The following PCDHA3 variants were observed in gnomAD, a reference collection of about 807,000 sequenced individuals.
PCDHA3 encodes protocadherin alpha 3, also known as protocadherin alpha-3.
A neutral mutation model predicts 62.2 loss-of-function variants in PCDHA3; 41 were observed. The ratio of observed to expected loss-of-function variants is 0.66; its 90% CI spans 0.51 to 0.86. The LOEUF (loss-of-function observed/expected upper bound fraction) is 0.86. Among genes scored for constraint, PCDHA3 ranks in the 40% least tolerant of loss-of-function variants. The pLI, the probability that PCDHA3 is intolerant of heterozygous loss-of-function variation, is 0.00. For missense variants in PCDHA3, 1,304 were observed against 1,241.2 expected, an observed-to-expected ratio of 1.05 and a Z score of -0.76; for synonymous variants, 640 against 555.4, an observed-to-expected ratio of 1.15 and a Z score of -2.14.
intron 1 of PCDHA3, among the ~76,000 whole-genome samples, chr5:140,872,315 AAAT>A (rs1554166135): frequency 1.3e-5 from 2 of 152,130 alleles, no homozygotes. Context: ...TGCTTTATGG[AAAT>A]AATATGACTA....
intron 1 of PCDHA3, among the ~76,000 whole-genome samples, chr5:140,922,635 C>G (rs1403011776): frequency 6.6e-6 from 1 of 152,118 alleles, no homozygotes; most frequent in Non-Finnish European, 1.5e-5. Context: ...ATAAGCCACT[C>G]CATCAAACAG....
rs567171951 is a variant in PCDHA3, at chr5:140,803,399, G to A, written c.2202G>A (p.Pro734=). ...SAPPTEGDCG[P]GKPTLVCSSA... ...CGCCAACCGAAGGCGACTGTGGGCC[G>A]GGCAAGCCCACGCTGGTGTGCTCCA... Residue 734 remains proline (P), a synonymous_variant, in exon 1 of 4, where the codon CCG becomes CCA. Coordinates refer to ENST00000522353, the MANE Select transcript of PCDHA3 (RefSeq NM_018906.3). 1.2e-6 allele frequency: 2 copies of A among 1,614,230 alleles called. No homozygotes were observed. The highest frequency in any genetic ancestry group is 1.3e-5 in the African/African-American group (1 of 75,070).
intron 1 of PCDHA3, chr5:140,857,943 C>G: frequency 6.3e-7 from 1 of 1,597,460 alleles, no homozygotes. Context: ...GAGATCAGTA[C>G]GACGCGCGCT....
chr5:140,850,566 G>GTGAC (rs1554144512), intron 1 of PCDHA3: 1 of 1,598,448 alleles, frequency 6.3e-7, no homozygotes, highest in Admixed American at 1.7e-5. Flanking sequence ...GGGCCCCGAG[G>GTGAC]TGACGCTGGT....
At chr5:140,882,936 C>T (rs782513929) in intron 1 of PCDHA3, 5 of 1,614,082 alleles carry the variant, frequency 3.1e-6, no homozygotes, top group Non-Finnish European at 4.2e-6. Flanking sequence ...CCCGAGCTGA[C>T]TGGCACAGTT....
At chr5:140,970,009 A>G (rs2096376687) in intron 1 of PCDHA3, among the ~76,000 whole-genome samples, 2 of 152,174 alleles carry the variant, frequency 1.3e-5, no homozygotes, top group African/African-American at 4.8e-5. Flanking sequence ...GGAGTGGATG[A>G]TGGTGAGGCA....
chr5:140,954,610 A>T (rs1464657596), intron 1 of PCDHA3, among the ~76,000 whole-genome samples: 1 of 151,962 alleles, frequency 6.6e-6, no homozygotes, highest in East Asian at 1.9e-4. Flanking sequence ...CCACTTTTTA[A>T]TGGGCTTGTT....
At chr5:140,862,623 G>T in intron 1 of PCDHA3, 1 of 531,204 alleles carries the variant, frequency 1.9e-6, no homozygotes, top group Non-Finnish European at 3.8e-6. Context: ...ACAACCCGCG[G>T]GGCTGCCACG....
intron 1 of PCDHA3, chr5:140,836,445 G>A: frequency 3.1e-6 from 5 of 1,613,836 alleles, no homozygotes; most frequent in Non-Finnish European, 4.2e-6. Flanking sequence ...GGGCATTGCA[G>A]GCCCAGAGAC....
chr5:140,966,490 T>C lies in PCDHA3; in HGVS notation c.2395-12459T>C, dbSNP rs533525977. 6.2e-5 allele frequency: 27 copies of C among 438,082 alleles called. No individual in the cohort carries two copies. In the Admixed American group the frequency reaches 1.1e-3, roughly 18 times the overall value. The allele number at this position is 438,082 out of a possible 1,614,324, so 27.1% of individuals were successfully genotyped here. On this transcript the variant is annotated intron_variant, in intron 1 of 3. Coordinates refer to ENST00000522353, the MANE Select transcript of PCDHA3 (RefSeq NM_018906.3). ...CCTTCTGTTTCCTTTTCCCTCCCCC[T>C]GGAGCTGTAGCGGCAGCAGCAGCAG... is the stretch of plus-strand genomic sequence containing the variant.
At chr5:140,913,394 A>G (rs2076316460) in intron 1 of PCDHA3, among the ~76,000 whole-genome samples, 1 of 152,204 alleles carries the variant, frequency 6.6e-6, no homozygotes, top group Non-Finnish European at 1.5e-5. Flanking sequence ...CATAGCCACT[A>G]ATGATCCTTT....
chr5:140,822,599 A>G, intron 1 of PCDHA3: 1 of 1,612,082 alleles, frequency 6.2e-7, no homozygotes, highest in Admixed American at 1.7e-5. Context: ...ATCAATAAGG[A>G]AATAGTGTAT....
intron 3 of PCDHA3, among the ~76,000 whole-genome samples, chr5:140,997,668 T>TTG (rs35184029): frequency 0.084 from 12,442 of 148,286 alleles, 534 homozygotes; most frequent in Admixed American, 0.1. Flanking sequence ...ATTATACAGC[T>TTG]TGTGTGTGTG....
At chr5:140,856,743 T>A in intron 1 of PCDHA3, 1 of 1,596,776 alleles carries the variant, frequency 6.3e-7, no homozygotes, top group Non-Finnish European at 8.6e-7. Flanking sequence ...ATCCTGGTGT[T>A]AGATGCCAAT....
At position 140,803,128 on chromosome 5, in the gene PCDHA3, G is replaced by C. The variant is rs1554122591; in HGVS notation, c.1931G>C (p.Arg644Pro). 1 of 1,613,792 alleles carries C rather than the reference G, an allele frequency of 6.2e-7. No homozygotes were observed. Among genetic ancestry groups the C allele is most frequent in the Admixed American group, 1.7e-5 (1 of 60,030 alleles). The change falls in exon 1 of 4, where the codon CGC becomes CCC. Residue 644 changes from arginine (R) to proline (P), a missense_variant. Arg to Pro is a moderately radical substitution (Grantham distance 103). Coordinates refer to ENST00000522353, the MANE Select transcript of PCDHA3 (RefSeq NM_018906.3). ...GCCCTGGACGAGGTGGACGCCCCGC[G>C]CCATCGCCTACTGGTGCTGGTGAAG... ...TRALDEVDAP[R>P]HRLLVLVKDH...
At chr5:140,995,963 A>G (rs2097706042) in intron 3 of PCDHA3, among the ~76,000 whole-genome samples, 1 of 152,234 alleles carries the variant, frequency 6.6e-6, no homozygotes, top group Non-Finnish European at 1.5e-5. Context: ...AATGCTTAGA[A>G]CCATGCTTAG....
chr5:140,917,324 C>CGGGGGGGGGGGGG (rs1299895515), intron 1 of PCDHA3, among the ~76,000 whole-genome samples: 2 of 76,122 alleles, frequency 2.6e-5, no homozygotes, highest in Admixed American at 1.5e-4. Context: ...GTTCATGTGG[C>CGGGGGGGGGGGGG]GGGGGAGGGG....
At chr5:140,912,237 A>T (rs2075827332) in intron 1 of PCDHA3, among the ~76,000 whole-genome samples, 2 of 152,122 alleles carry the variant, frequency 1.3e-5, no homozygotes, top group South Asian at 4.2e-4. Flanking sequence ...CACTGACTCA[A>T]ATGTTAATCT....
chr5:141,009,746 T>C lies in PCDHA3; in HGVS notation c.2662T>C (p.Phe888Leu). ...CGGTCCCGGTGAGTTGCCCGACAAA[T>C]TCATTATCCCAGGATCTCCTGCAAT... ...QSGPGELPDK[F>L]IIPGSPAIIS... The change falls in exon 4 of 4, where the codon TTC becomes CTC. Residue 888 changes from phenylalanine to leucine, a missense_variant. Transcript: ENST00000522353. 6.2e-7 allele frequency: 1 copy of C among 1,614,062 alleles called. No homozygotes were observed. Among genetic ancestry groups the C allele is most frequent in the Non-Finnish European group, 8.5e-7 (1 of 1,180,018 alleles).
Sources: gnomAD v4.1 joint callset for allele counts (sites outside exome capture counted in the v4.1 genomes callset) on GRCh38, gnomAD v4.1.1 for gene constraint, MANE v1.5 for transcripts, NCBI Gene and HGNC (gene_info 2026-07-23, HGNC 2026-07-21) for gene names.